GRHL1: variants seen among roughly 807,000 people sequenced by gnomAD.
The protein encoded by GRHL1 is grainyhead-like protein 1 homolog.
GRHL1 carries 38 observed loss-of-function variants against 75.7 expected under a neutral mutation model. The observed-to-expected ratio is 0.50, with a 90% CI of 0.39 to 0.66. The LOEUF (loss-of-function observed/expected upper bound fraction) is 0.66. Ranked by LOEUF, GRHL1 falls within the 30% of genes least tolerant of loss-of-function variation. GRHL1 has a pLI of 0.00. For missense variants in GRHL1, 589 were observed against 767.5 expected (o/e 0.77, Z 2.75); for synonymous variants, 266 against 279.4 (o/e 0.95, Z 0.48).
At chr2:9,997,105 C>T (rs115233435) in intron 14 of GRHL1, among the ~76,000 whole-genome samples, 1,727 of 152,284 alleles carry the variant, frequency 0.011, 27 homozygotes, top group African/African-American at 0.039. Flanking sequence ...AAAGCATCTC[C>T]CCCAGCTCCC....
intron 8 of GRHL1, among the ~76,000 whole-genome samples, chr2:9,973,321 C>A (rs1240477773): frequency 2.0e-5 from 3 of 152,102 alleles, no homozygotes; most frequent in Admixed American, 2.0e-4. Context: ...TTGGGCCTCA[C>A]GAATTAATGG....
intron 8 of GRHL1, among the ~76,000 whole-genome samples, chr2:9,984,797 C>G (rs920507779): frequency 2.6e-5 from 4 of 151,884 alleles, no homozygotes; most frequent in Non-Finnish European, 4.4e-5. Flanking sequence ...TGTGGTAGCT[C>G]CTGCCTGTAA....
At chr2:9,975,860 T>C (rs2125225316) in intron 8 of GRHL1, among the ~76,000 whole-genome samples, 1 of 152,136 alleles carries the variant, frequency 6.6e-6, no homozygotes, top group African/African-American at 2.4e-5. Context: ...CATTCCAGCC[T>C]GGGCAACAAG....
chr2:9,986,395 A>G (rs1306115838), intron 9 of GRHL1, 113 bp downstream of exon 9: 2 of 521,390 alleles, frequency 3.8e-6, no homozygotes, highest in Non-Finnish European at 3.2e-6. Context: ...AATATAGAAT[A>G]ACTTTTAAAA....
chr2:9,988,582 G>T (rs886502823), intron 9 of GRHL1, among the ~76,000 whole-genome samples: 3 of 152,042 alleles, frequency 2.0e-5, no homozygotes, highest in African/African-American at 7.2e-5. Flanking sequence ...TTGGTACTTT[G>T]TCCTGCTGCC....
At chr2:9,952,427 G>A (rs1348739359) in intron 1 of GRHL1, among the ~76,000 whole-genome samples, 1 of 152,206 alleles carries the variant, frequency 6.6e-6, no homozygotes, top group East Asian at 1.9e-4. Flanking sequence ...GTGGGAAAAC[G>A]GCTGTAGGAG....
intron 15 of GRHL1, among the ~76,000 whole-genome samples, chr2:10,000,155 T>A (rs909029925): frequency 3.3e-5 from 5 of 152,172 alleles, no homozygotes; most frequent in African/African-American, 1.2e-4. Context: ...AGCTAGTTTT[T>A]AAAATTTTTC....
Position 9,974,880 on chromosome 2 carries a change from C to G in GRHL1, c.1110+9499C>G, listed in dbSNP as rs144665466. On this transcript the variant is annotated intron_variant, in intron 8 of 15. Coordinates refer to ENST00000324907, the MANE Select transcript of GRHL1 (RefSeq NM_198182.3). Reference sequence around the variant, plus strand: ...AAGCCTGACCTCAGAGGAGATTACACTGTGTATTCTGGTCCATATTGTAAG... The same window carrying G: ...AAGCCTGACCTCAGAGGAGATTACAGTGTGTATTCTGGTCCATATTGTAAG... Among the ~76,000 whole-genome samples the G allele has an allele frequency of 3.5e-3, 532 of 152,318 alleles. 7 individuals carry two copies. The highest frequency in any genetic ancestry group is 0.012 in the African/African-American group (515 of 41,570).
rs572436595 is a variant in GRHL1 at position 10,000,670 on chromosome 2, C to G, written c.1820C>G (p.Ala607Gly). The G allele has an allele frequency of 6.2e-6, 10 of 1,611,348 alleles. No individual in the cohort carries two copies. The highest frequency in any genetic ancestry group is 4.2e-6 in the Non-Finnish European group (5 of 1,177,602). The change falls in exon 16 of 16, where the codon GCC (alanine) becomes GGC (glycine). Residue 607 changes from alanine (A) to glycine (G), a missense_variant. Ala to Gly is a moderately conservative substitution (Grantham distance 60). Coordinates refer to ENST00000324907, the MANE Select transcript of GRHL1 (RefSeq NM_198182.3). ...ACCTTCCAGCTGCAGATTGAAGAAG[C>G]CGGGGGGTCTTACAAGCTCACCCTG... ...EDTFQLQIEE[A>G]GGSYKLTLTE...
At chr2:9,994,793 C>T (rs150713921) in intron 12 of GRHL1, among the ~76,000 whole-genome samples, 103 of 152,338 alleles carry the variant, frequency 6.8e-4, no homozygotes, top group African/African-American at 2.3e-3. Flanking sequence ...CTGCTGGACC[C>T]TCCATGCCAG....
chr2:9,967,083 A>G (rs2125215848), intron 8 of GRHL1, among the ~76,000 whole-genome samples: 1 of 152,280 alleles, frequency 6.6e-6, no homozygotes, highest in Middle Eastern at 3.4e-3. Context: ...AGCAAACTGG[A>G]GTGTTACTTG....
At chr2:9,971,132 A>C (rs570928929) in intron 8 of GRHL1, among the ~76,000 whole-genome samples, 3 of 152,142 alleles carry the variant, frequency 2.0e-5, no homozygotes, top group Non-Finnish European at 4.4e-5. Flanking sequence ...TCTAAGCATA[A>C]TATTTGGAAT....
At chr2:9,972,656 TG>T (rs1667776745) in intron 8 of GRHL1, among the ~76,000 whole-genome samples, 1 of 152,220 alleles carries the variant, frequency 6.6e-6, no homozygotes, top group Admixed American at 6.5e-5. Context: ...CCCATGGGCC[TG>T]CCTGCCGTGT....
At chr2:9,958,617 T>C (rs1038528842) in intron 2 of GRHL1, among the ~76,000 whole-genome samples, 169 bp from the exon 3 acceptor site, 2 of 152,172 alleles carry the variant, frequency 1.3e-5, no homozygotes, top group African/African-American at 4.8e-5. Flanking sequence ...GATTTTAAGC[T>C]CGTTGAGGGC....
In GRHL1 at chr2:9,961,436, G is replaced by C; in HGVS notation, c.669G>C (p.Glu223Asp). 1 of 1,596,156 alleles carries C rather than the reference G, an allele frequency of 6.3e-7. No homozygotes were observed. Among genetic ancestry groups the C allele is most frequent in the Non-Finnish European group, 8.6e-7 (1 of 1,167,192 alleles). Residue 223 changes from glutamate (E) to aspartate (D), a missense_variant and splice_region_variant, in exon 4 of 16, where the codon GAG becomes GAC. Physicochemically the swap from Glu to Asp is conservative, Grantham distance 45. Transcript: ENST00000324907. ...FSETFKEGVQEVFFPSDLSLR... is the reference protein window; with the variant it reads ...FSETFKEGVQDVFFPSDLSLR... The stretch of plus-strand genomic sequence containing the variant: ...AGACCTTCAAGGAAGGCGTTCAGGA[G>C]GTAAGGAAACAAAAACATCTTCCTA...
chr2:9,996,063 A>G (rs766400314), intron 13 of GRHL1, 93 bp downstream of exon 13: 227 of 880,050 alleles, frequency 2.6e-4, no homozygotes, highest in Non-Finnish European at 3.4e-4. Flanking sequence ...CATTTTTCCC[A>G]GTTTCACTTG....
At position 9,957,302 on chromosome 2, in the gene GRHL1, T is replaced by G. The variant is rs945110383; in HGVS notation, c.208-1484T>G. The stretch of plus-strand genomic sequence containing the variant: ...CACTGTGCCTGGCCTATTTTCTTTT[T>G]CAAATAAACTGAATTATTTGTTTCA... On this transcript the variant is annotated intron_variant, in intron 2 of 15. Coordinates refer to ENST00000324907, the MANE Select transcript of GRHL1 (RefSeq NM_198182.3). 5.3e-5 allele frequency among the ~76,000 whole-genome samples: 8 copies of G among 151,882 alleles called. 1 individual carries two copies. Among genetic ancestry groups the G allele is most frequent in the African/African-American group, 1.9e-4 (8 of 41,334 alleles).
At chr2:9,999,623 T>C (rs1669182834) in intron 15 of GRHL1, among the ~76,000 whole-genome samples, 1 of 152,228 alleles carries the variant, frequency 6.6e-6, no homozygotes, top group Non-Finnish European at 1.5e-5. Context: ...CATGCCCTGC[T>C]CTACCCTCCT....
intron 13 of GRHL1, 125 bp downstream of exon 13, chr2:9,996,095 CT>C (rs1374211729): frequency 7.9e-6 from 6 of 760,398 alleles, no homozygotes; most frequent in Non-Finnish European, 1.4e-5. Flanking sequence ...TTCCATCAGA[CT>C]GACATCTAGC....
Sources: gnomAD v4.1 joint callset for allele counts (sites outside exome capture counted in the v4.1 genomes callset) on GRCh38, gnomAD v4.1.1 for gene constraint, MANE v1.5 for transcripts, NCBI Gene and HGNC (gene_info 2026-07-23, HGNC 2026-07-21) for gene names.